The following SPAG5 variants were observed in gnomAD, a reference collection of about 807,000 sequenced individuals.
The protein encoded by SPAG5 is sperm-associated antigen 5.
A neutral mutation model predicts 145.4 loss-of-function variants in SPAG5; 99 were observed. The ratio of observed to expected loss-of-function variants is 0.68; its 90% confidence interval spans 0.58 to 0.80. The LOEUF is 0.80. SPAG5 is among the 30% of genes least tolerant of loss of function. SPAG5 has a pLI of 0.00. For synonymous variants in SPAG5, 477 were observed against 525.4 expected (o/e 0.91, Z 1.26); for missense variants, 1,192 against 1,416.0 (o/e 0.84, Z 2.54).
intron 2 of SPAG5, among the ~76,000 whole-genome samples, chr17:28,596,860 C>T (rs1567627790): frequency 6.6e-6 from 1 of 152,060 alleles, no homozygotes; most frequent in Non-Finnish European, 1.5e-5. Flanking sequence ...AATCCCAGCA[C>T]TTTGGAAGGC....
Position 28,593,119 on chromosome 17 carries a change from ATACAAT to A in SPAG5, c.178-59_178-54del, listed in dbSNP as rs2070635899. ...TAAGGCAGTCAATTCAGTTCCCGAC[ATACAAT>A]TACAGGTGCAAGATAGTGCACTCAA... On this transcript the variant is annotated intron_variant, in intron 2 of 23. Coordinates refer to ENST00000321765, the MANE Select transcript of SPAG5 (RefSeq NM_006461.4). 7 of 1,580,924 alleles carry A rather than the reference ATACAAT, an allele frequency of 4.4e-6. No homozygotes were observed. The East Asian group carries it at 1.6e-4, about 35-fold the overall frequency.
chr17:28,595,982 G>A (rs1465967448), intron 2 of SPAG5, among the ~76,000 whole-genome samples: 3 of 152,078 alleles, frequency 2.0e-5, no homozygotes, highest in Non-Finnish European at 4.4e-5. Flanking sequence ...GGGAGGCGGA[G>A]GTTGCAGTGA....
Position 28,592,275 on chromosome 17 carries a change from T to C in SPAG5, c.969A>G (p.Pro323=), listed in dbSNP as rs2070627106. 1 of 1,614,124 alleles carries C rather than the reference T, an allele frequency of 6.2e-7. No homozygotes were observed. The highest frequency in any genetic ancestry group is 1.3e-5 in the African/African-American group (1 of 74,944). The part of the protein sequence containing the change: ...VEMESQEAPG[P]AVEDVGRILG... ...GAATCCTACCAACATCTTCTACTGC[T>C]GGGCCTGGAGCTTCTTGGGATTCCA... is the stretch of plus-strand genomic sequence containing the variant. The change falls in exon 3 of 24, where the codon CCA becomes CCG. Residue 323 remains proline (P), a synonymous_variant. Transcript: ENST00000321765.
chr17:28,578,809 T>G, intron 19 of SPAG5, 57 bp from the exon 20 acceptor site: 1 of 1,402,808 alleles, frequency 7.1e-7, no homozygotes, highest in Non-Finnish European at 1.0e-6. Flanking sequence ...TCACAGCCCT[T>G]GCCAGGAGGT....
chr17:28,579,328 C>T, intron 18 of SPAG5, 37 bp downstream of exon 18: 1 of 1,613,772 alleles, frequency 6.2e-7, no homozygotes, highest in East Asian at 2.2e-5. Flanking sequence ...GAGGATGTCT[C>T]ACTGTCCCTC....
At chr17:28,586,321 T>G in intron 5 of SPAG5, 104 bp downstream of exon 5, 1 of 1,237,444 alleles carries the variant, frequency 8.1e-7, no homozygotes, top group East Asian at 2.3e-5. Context: ...GAAACCTCCC[T>G]TCACCACCAC....
In SPAG5 at chr17:28,578,276, A is replaced by C; in HGVS notation, c.3371T>G (p.Val1124Gly). ...CTCATTTTTCATCTCCAGGAACATC[A>C]CTCTCAGTTTGTCCACCTAGAAATA... ...WLSQEVDKLR[V>G]MFLEMKNEKE... Residue 1124 changes from valine to glycine, a missense_variant, in exon 22 of 24, where the codon GTG becomes GGG. Physicochemically the swap from Val to Gly is moderately radical, Grantham distance 109. Transcript: ENST00000321765. 1.9e-6 allele frequency: 3 copies of C among 1,613,834 alleles called. No individual in the cohort carries two copies. The highest frequency in any genetic ancestry group is 2.5e-6 in the Non-Finnish European group (3 of 1,179,970).
chr17:28,578,909 A>G (rs577451), intron 19 of SPAG5, among the ~76,000 whole-genome samples, 157 bp from the exon 20 acceptor site: 38,848 of 152,114 alleles, frequency 0.26, 5,200 homozygotes, highest in African/African-American at 0.3. Flanking sequence ...GGCAAGGCAC[A>G]TTTCAGTGTT....
At chr17:28,579,660 T>C in intron 17 of SPAG5, 91 bp downstream of exon 17, 4 of 1,435,860 alleles carry the variant, frequency 2.8e-6, no homozygotes, top group Non-Finnish European at 3.9e-6. Context: ...ATTGAGGTTT[T>C]TAGAGCAAAG....
chr17:28,578,044 T>A lies in SPAG5; in HGVS notation c.3476A>T (p.Glu1159Val). ...ENLRRSDKEL[E>V]KLDDIVQHIY... ...ATGCTGAACAATGTCATCTAGTTTT[T>A]CTAACTCCTTGTCAGAGCGCCGAAG... The change falls in exon 23 of 24, where the codon GAA (glutamate) becomes GTA (valine). Residue 1159 changes from glutamate to valine, a missense_variant. Transcript: ENST00000321765. 1 of 1,614,138 alleles carries A rather than the reference T, an allele frequency of 6.2e-7. No individual in the cohort carries two copies. Among genetic ancestry groups the A allele is most frequent in the Non-Finnish European group, 8.5e-7 (1 of 1,179,946 alleles).
chr17:28,584,547 C>G (rs1329400455), intron 11 of SPAG5, 67 bp from the exon 12 acceptor site: 1 of 1,609,812 alleles, frequency 6.2e-7, no homozygotes, highest in Non-Finnish European at 8.5e-7. Context: ...ACTTCTGCTC[C>G]AAAGCAAGTG....
rs1438011919 is a variant in SPAG5, at chr17:28,585,356, G to C, written c.1916C>G (p.Ser639Cys). 1.2e-6 allele frequency: 2 copies of C among 1,614,106 alleles called. No homozygotes were observed. Among genetic ancestry groups the C allele is most frequent in the African/African-American group, 1.3e-5 (1 of 74,942 alleles). Residue 639 changes from serine to cysteine, a missense_variant, in exon 9 of 24, where the codon TCT becomes TGT. Transcript: ENST00000321765. ...ELVQQTVSLT[S>C]TLQQDWRSMQ... is the part of the protein sequence containing the mutation. ...GGACCTCCAGTCTTGTTGCAAGGTA[G>C]AAGTAAGACTCACTGTCTGCTGAAC... is the stretch of plus-strand genomic sequence containing the variant.
intron 11 of SPAG5, 48 bp downstream of exon 11, chr17:28,584,604 G>A (rs759347453): frequency 3.8e-6 from 6 of 1,598,290 alleles, no homozygotes; most frequent in Non-Finnish European, 2.6e-6. Context: ...AGCCTTAACA[G>A]GGCTCAAATG....
intron 16 of SPAG5, 66 bp from the exon 17 acceptor site, chr17:28,579,903 G>A (rs1446287743): frequency 1.3e-5 from 20 of 1,557,988 alleles, no homozygotes; most frequent in Non-Finnish European, 1.7e-5. Context: ...TACCATAATG[G>A]AAGCCAGGGT....
rs558966781 is a variant in SPAG5, at chr17:28,584,195, T to C, written c.2367A>G (p.Gln789=). The change falls in exon 13 of 24, where the codon CAA becomes CAG. Residue 789 remains glutamine (Q), a synonymous_variant. Transcript: ENST00000321765. ...KHMQAELQQQ[Q]AVLAKEVRDL... is the part of the protein sequence containing the mutation. ...CCCGCACCTCTTTGGCCAGGACAGC[T>C]TGTTGCTGCTGCAGTTCTGCCTGCA... 5.6e-6 allele frequency: 9 copies of C among 1,614,050 alleles called. No homozygotes were observed. In the East Asian group the frequency reaches 8.9e-5, roughly 16 times the overall value.
At position 28,598,632 on chromosome 17, in the gene SPAG5, T is replaced by G. The variant is rs2151524838; in HGVS notation, c.55A>C (p.Lys19Gln). The change falls in exon 2 of 24, where the codon AAA becomes CAA. Residue 19 changes from lysine (K) to glutamine (Q), a missense_variant. Lys to Gln is a moderately conservative substitution (Grantham distance 53, BLOSUM62 1). Around this residue, in one of 5 missense-constraint regions of SPAG5, gnomAD observed 329 missense variants for 354.0 expected, o/e 0.93. Transcript: ENST00000321765. ...CGGAGAGGAGTTCTCATAGATGGTT[T>G]TCCCTGAGAAAGAAACCAAGAAAGA... ...LSLSPSPQTG[K>Q]PSMRTPLREL... 2 of 1,591,640 alleles carry G rather than the reference T, an allele frequency of 1.3e-6. No homozygotes were observed. The highest frequency in any genetic ancestry group is 4.5e-5 in the East Asian group (2 of 44,474).
rs1162137089 is a variant in SPAG5 at position 28,578,436 on chromosome 17, C to T, written c.3291G>A (p.Leu1097=). 1.2e-6 allele frequency: 2 copies of T among 1,613,970 alleles called. No individual in the cohort carries two copies. The highest frequency in any genetic ancestry group is 1.7e-6 in the Non-Finnish European group (2 of 1,180,044). Residue 1097 remains leucine (L), a synonymous_variant, in exon 21 of 24, where the codon CTG becomes CTA. Transcript: ENST00000321765. ...KVLQEALAGQ[L]DSNCQPMATN... ...TGGCCATAGGCTGGCAGTTGGAGTC[C>T]AGCTGGCCTGCCAGGGCCTCCTGGA...
chr17:28,597,022 GGTT>G (rs2070669987), intron 2 of SPAG5, among the ~76,000 whole-genome samples: 2 of 152,268 alleles, frequency 1.3e-5, no homozygotes, highest in Admixed American at 6.5e-5. Context: ...GGGAGGCAGA[GGTT>G]GCGGTGAGCC....
intron 7 of SPAG5, 62 bp downstream of exon 7, chr17:28,585,802 T>C (rs1335204802): frequency 1.9e-6 from 3 of 1,612,652 alleles, no homozygotes; most frequent in Non-Finnish European, 2.5e-6. Flanking sequence ...TGCATTTGTG[T>C]TCCTGCAGGA....
Sources: gnomAD v4.1 joint callset for allele counts (sites outside exome capture counted in the v4.1 genomes callset) on GRCh38, gnomAD v4.1.1 for gene constraint, gnomAD v4.1.1 regional missense constraint, MANE v1.5 for transcripts, NCBI Gene and HGNC (gene_info 2026-07-23, HGNC 2026-07-21) for gene names.